MARCHF4: variants seen among roughly 807,000 people sequenced by gnomAD.
The protein encoded by MARCHF4 is E3 ubiquitin-protein ligase MARCHF4.
A neutral mutation model predicts 43.9 loss-of-function variants in MARCHF4; 14 were observed. The observed-to-expected ratio is 0.32, with a 90% CI of 0.21 to 0.50. The LOEUF (loss-of-function observed/expected upper bound fraction) is 0.50, where lower values mean the gene tolerates loss of function less well. Among genes scored for constraint, MARCHF4 ranks in the 20% least tolerant of loss-of-function variants. The probability of loss-of-function intolerance (pLI) is 0.98; values close to 1 mark genes in which losing one functional copy is unlikely to be tolerated. For synonymous variants in MARCHF4, 226 were observed against 213.3 expected, an observed-to-expected ratio of 1.06 and a Z score of -0.52; for missense variants, 468 against 536.7, an observed-to-expected ratio of 0.87 and a Z score of 1.27.
chr2:216,263,502 AGAGAGAGAGAGAGAG>A (rs1690781331), intron 3 of MARCHF4, among the ~76,000 whole-genome samples: 2 of 141,196 alleles, frequency 1.4e-5, no homozygotes, highest in Non-Finnish European at 3.1e-5. Flanking sequence ...AAAGAGAGAG[AGAGAGAGAGAGAGAG>A]AGAGAGAGAG....
At chr2:216,368,819 T>C (rs1415726733) in intron 1 of MARCHF4, among the ~76,000 whole-genome samples, 22 of 152,222 alleles carry the variant, frequency 1.4e-4, no homozygotes, top group Admixed American at 1.4e-3. Flanking sequence ...TGTTGCCACA[T>C]TCTATAGTTC....
At chr2:216,323,396 C>T (rs1209237630) in intron 1 of MARCHF4, among the ~76,000 whole-genome samples, 3 of 152,124 alleles carry the variant, frequency 2.0e-5, no homozygotes, top group African/African-American at 7.2e-5. Flanking sequence ...CAACATTAGA[C>T]AGATCAACGA....
At chr2:216,306,849 T>TC (rs1266495427) in intron 1 of MARCHF4, among the ~76,000 whole-genome samples, 1 of 152,096 alleles carries the variant, frequency 6.6e-6, no homozygotes, top group Non-Finnish European at 1.5e-5. Flanking sequence ...TCCTTTTTTT[T>TC]CCCCTACTGT....
intron 1 of MARCHF4, among the ~76,000 whole-genome samples, chr2:216,321,974 A>G (rs1691902838): frequency 6.6e-6 from 1 of 152,192 alleles, no homozygotes; most frequent in East Asian, 1.9e-4. Flanking sequence ...CAACCTGAAC[A>G]TCCACACATG....
chr2:216,289,554 T>C (rs1048107074), intron 1 of MARCHF4, among the ~76,000 whole-genome samples: 34 of 152,190 alleles, frequency 2.2e-4, no homozygotes, highest in African/African-American at 8.2e-4. Context: ...TCCAGTTGTT[T>C]CTCCATTTAT....
chr2:216,318,834 A>G (rs1281441366), intron 1 of MARCHF4, among the ~76,000 whole-genome samples: 2 of 152,182 alleles, frequency 1.3e-5, no homozygotes, highest in Non-Finnish European at 2.9e-5. Flanking sequence ...CTAAGAAAAA[A>G]TCATCAAAGC....
At chr2:216,261,940 G>C (rs1163901431) in intron 3 of MARCHF4, among the ~76,000 whole-genome samples, 1 of 152,210 alleles carries the variant, frequency 6.6e-6, no homozygotes, top group African/African-American at 2.4e-5. Context: ...GATTCAGAAA[G>C]AGTGCAGTGA....
At chr2:216,358,754 CAGA>C (rs1692536774) in intron 1 of MARCHF4, among the ~76,000 whole-genome samples, 1 of 152,134 alleles carries the variant, frequency 6.6e-6, no homozygotes, top group Non-Finnish European at 1.5e-5. Flanking sequence ...TGACAGTACC[CAGA>C]AGGATTATAC....
chr2:216,304,249 C>T (rs1691543706), intron 1 of MARCHF4, among the ~76,000 whole-genome samples: 1 of 152,204 alleles, frequency 6.6e-6, no homozygotes, highest in Non-Finnish European at 1.5e-5. Flanking sequence ...GTTTCCTTGA[C>T]ATGGGGACAT....
intron 3 of MARCHF4, among the ~76,000 whole-genome samples, chr2:216,274,416 G>A (rs1334638355): frequency 1.3e-5 from 2 of 152,178 alleles, no homozygotes; most frequent in Non-Finnish European, 2.9e-5. Context: ...GGCAGGCATT[G>A]CAGGCTCTAC....
At position 216,348,211 on chromosome 2, in the gene MARCHF4, A is replaced by AT. The variant is rs577120360; in HGVS notation, c.516+21533dup. Among the ~76,000 whole-genome samples, 764 of 151,778 alleles carry AT rather than the reference A, an allele frequency of 5.0e-3. 9 individuals carry two copies. The highest frequency in any genetic ancestry group is 0.017 in the African/African-American group (721 of 41,372). The stretch of plus-strand genomic sequence containing the variant: ...CATCACCACACCAGGCTAATTTTGT[A>AT]TTTTTAGTAGAAATGGGGTTTCTCC... On this transcript the variant is annotated intron_variant, in intron 1 of 3. Transcript: ENST00000273067.
At chr2:216,367,976 G>T (rs1268281632) in intron 1 of MARCHF4, among the ~76,000 whole-genome samples, 1 of 152,090 alleles carries the variant, frequency 6.6e-6, no homozygotes, top group Non-Finnish European at 1.5e-5. Flanking sequence ...TCCAAATCAC[G>T]TAAGTTGGAA....
At chr2:216,297,768 G>A (rs754673681) in intron 1 of MARCHF4, among the ~76,000 whole-genome samples, 2 of 152,022 alleles carry the variant, frequency 1.3e-5, no homozygotes, top group African/African-American at 2.4e-5. Flanking sequence ...CACTCGGCTC[G>A]GCATCCCAAA....
At chr2:216,365,570 T>C (rs1239645123) in intron 1 of MARCHF4, among the ~76,000 whole-genome samples, 1 of 152,232 alleles carries the variant, frequency 6.6e-6, no homozygotes, top group Non-Finnish European at 1.5e-5. Flanking sequence ...ACACATCTCT[T>C]CTGCTTCCAT....
At chr2:216,265,791 T>G (rs547347750) in intron 3 of MARCHF4, 1 of 152,242 alleles carries the variant, frequency 6.6e-6, no homozygotes, top group Non-Finnish European at 1.5e-5. Flanking sequence ...TGAGCCCAGC[T>G]GCCTTTCACA....
chr2:216,284,440 T>C (rs531123316), intron 1 of MARCHF4, among the ~76,000 whole-genome samples: 3 of 152,324 alleles, frequency 2.0e-5, no homozygotes, highest in African/African-American at 7.2e-5. Flanking sequence ...ATATGTCAGA[T>C]GGCCATGGCT....
At chr2:216,326,808 T>G in intron 1 of MARCHF4, among the ~76,000 whole-genome samples, 1 of 112,838 alleles carries the variant, frequency 8.9e-6, no homozygotes, top group Non-Finnish European at 1.8e-5. Flanking sequence ...CTGAGGACTG[T>G]TGTGGGGTGG....
chr2:216,346,451 G>T (rs1183838476), intron 1 of MARCHF4, among the ~76,000 whole-genome samples: 1 of 152,182 alleles, frequency 6.6e-6, no homozygotes, highest in Admixed American at 6.5e-5. Context: ...GCAAAATACT[G>T]AAGTAGACAC....
chr2:216,321,094 G>A (rs1329828280), intron 1 of MARCHF4, among the ~76,000 whole-genome samples: 3 of 152,042 alleles, frequency 2.0e-5, no homozygotes, highest in Non-Finnish European at 4.4e-5. Context: ...GAACTTTGGA[G>A]CGAGACAAGA....
Sources: allele counts gnomAD v4.1 joint callset (sites outside exome capture counted in the v4.1 genomes callset), GRCh38; gene constraint gnomAD v4.1.1; transcripts MANE v1.5; gene names NCBI Gene and HGNC (gene_info 2026-07-23, HGNC 2026-07-21).